The following LDLRAD4 variants were observed in gnomAD, a reference collection of about 807,000 sequenced individuals.
The protein encoded by LDLRAD4 is low-density lipoprotein receptor class A domain-containing protein 4.
Under a neutral mutation model 17.0 loss-of-function variants are expected in LDLRAD4, and 5 were observed. The observed-to-expected ratio is 0.29, with a 90% CI of 0.15 to 0.62. The LOEUF is 0.62. Among genes scored for constraint, LDLRAD4 ranks in the 20% least tolerant of loss-of-function variants. The pLI is 0.84. For missense variants in LDLRAD4, 340 were observed against 424.7 expected (o/e 0.80, Z 1.75); for synonymous variants, 168 against 171.8 (o/e 0.98, Z 0.17).
At chr18:13,542,553 C>T (rs1463700256) in intron 3 of LDLRAD4, 1 of 152,288 alleles carries the variant, frequency 6.6e-6, no homozygotes, top group Non-Finnish European at 1.5e-5. Context: ...CACTGTGTCG[C>T]CCTCTCTATG....
chr18:13,613,612 G>A (rs1194731959), intron 3 of LDLRAD4: 3 of 152,230 alleles, frequency 2.0e-5, no homozygotes, highest in Admixed American at 1.3e-4. Context: ...TTTCTGAAGA[G>A]ATCATGAAAC....
intron 1 of LDLRAD4, among the ~76,000 whole-genome samples, chr18:13,272,768 A>G (rs1037793413): frequency 1.3e-5 from 2 of 152,168 alleles, no homozygotes; most frequent in Non-Finnish European, 2.9e-5. Context: ...CCCAGCTGGG[A>G]CACTTCAGGG....
chr18:13,562,567 G>T (rs188931099), intron 3 of LDLRAD4, among the ~76,000 whole-genome samples: 1 of 152,112 alleles, frequency 6.6e-6, no homozygotes, highest in Admixed American at 6.6e-5. Context: ...CCACCCACGC[G>T]GTCCGTCAGA....
intron 3 of LDLRAD4, among the ~76,000 whole-genome samples, chr18:13,502,066 G>A (rs928923208): frequency 2.0e-5 from 3 of 152,202 alleles, no homozygotes; most frequent in African/African-American, 4.8e-5. Context: ...CTGCAAATTC[G>A]CGGAAGGCTT....
At chr18:13,545,199 A>G (rs2094343861) in intron 3 of LDLRAD4, among the ~76,000 whole-genome samples, 1 of 152,086 alleles carries the variant, frequency 6.6e-6, no homozygotes, top group African/African-American at 2.4e-5. Context: ...AGATGGCTCC[A>G]GGACTCTGAA....
chr18:13,468,720 A>T (rs562839208), intron 3 of LDLRAD4, among the ~76,000 whole-genome samples: 85 of 152,118 alleles, frequency 5.6e-4, no homozygotes, highest in Admixed American at 9.2e-4. Context: ...TGAAGCTGGA[A>T]ACCATCATTC....
intron 2 of LDLRAD4, among the ~76,000 whole-genome samples, chr18:13,395,680 G>A (rs12969176): frequency 1.1e-5 from 1 of 88,790 alleles, no homozygotes. Context: ...GTGGGGGCGG[G>A]AGTTGGCGTT....
At chr18:13,231,746 A>G (rs902460577) in intron 1 of LDLRAD4, among the ~76,000 whole-genome samples, 5 of 152,246 alleles carry the variant, frequency 3.3e-5, no homozygotes, top group Non-Finnish European at 5.9e-5. Flanking sequence ...CACAGACAAC[A>G]TCTAATTTCA....
chr18:13,605,715 CTGTT>C (rs1035456484), intron 3 of LDLRAD4, among the ~76,000 whole-genome samples: 19 of 152,214 alleles, frequency 1.2e-4, no homozygotes, highest in Admixed American at 1.2e-3. Context: ...CACACAAACT[CTGTT>C]TGTGTTGAGG....
intron 1 of LDLRAD4, among the ~76,000 whole-genome samples, chr18:13,221,704 T>C (rs1386628613): frequency 6.6e-6 from 1 of 152,248 alleles, no homozygotes; most frequent in Non-Finnish European, 1.5e-5. Context: ...GATGTCTGTA[T>C]TGTCACATAT....
chr18:13,577,491 G>C (rs919742479), intron 3 of LDLRAD4, among the ~76,000 whole-genome samples: 4 of 152,138 alleles, frequency 2.6e-5, no homozygotes, highest in Non-Finnish European at 4.4e-5. Flanking sequence ...TTATGACTCA[G>C]TCTATTGTAA....
chr18:13,559,568 A>G (rs1415805838), intron 3 of LDLRAD4, among the ~76,000 whole-genome samples: 1 of 152,228 alleles, frequency 6.6e-6, no homozygotes, highest in African/African-American at 2.4e-5. Flanking sequence ...GTACACATAT[A>G]TATGACAAAT....
chr18:13,559,134 T>C (rs1448300947), intron 3 of LDLRAD4, among the ~76,000 whole-genome samples: 1 of 152,240 alleles, frequency 6.6e-6, no homozygotes, highest in African/African-American at 2.4e-5. Context: ...TGTAAAGGTG[T>C]CACTGTCTCT....
At chr18:13,263,717 A>G (rs989042369) in intron 1 of LDLRAD4, among the ~76,000 whole-genome samples, 2 of 152,214 alleles carry the variant, frequency 1.3e-5, no homozygotes, top group African/African-American at 2.4e-5. Flanking sequence ...GATGGAAAGA[A>G]TAAGAATCAA....
At chr18:13,220,905 G>A (rs1000947397) in intron 1 of LDLRAD4, among the ~76,000 whole-genome samples, 9 of 152,192 alleles carry the variant, frequency 5.9e-5, no homozygotes, top group Non-Finnish European at 1.3e-4. Flanking sequence ...TCTGCATGTA[G>A]CCAGCATAAA....
At chr18:13,392,494 G>A (rs1487031899) in intron 2 of LDLRAD4, among the ~76,000 whole-genome samples, 1 of 152,224 alleles carries the variant, frequency 6.6e-6, no homozygotes, top group Non-Finnish European at 1.5e-5. Context: ...CAGTTCCTCT[G>A]AGCAGAGGGA....
chr18:13,403,620 C>G (rs1361727656), intron 2 of LDLRAD4, among the ~76,000 whole-genome samples: 1 of 152,174 alleles, frequency 6.6e-6, no homozygotes, highest in South Asian at 2.1e-4. Flanking sequence ...CTGAGACCCC[C>G]TTCTGATGGT....
At chr18:13,394,159 G>A (rs545559608) in intron 2 of LDLRAD4, among the ~76,000 whole-genome samples, 68 of 152,242 alleles carry the variant, frequency 4.5e-4, no homozygotes, top group African/African-American at 1.6e-3. Flanking sequence ...TGTTAGCCTC[G>A]AATCTAGTCC....
At chr18:13,321,110 GC>G (rs2081192080) in intron 1 of LDLRAD4, among the ~76,000 whole-genome samples, 1 of 152,140 alleles carries the variant, frequency 6.6e-6, no homozygotes, top group African/African-American at 2.4e-5. Context: ...GTTAACTTCG[GC>G]CCGAGCATGC....
Sources: allele counts gnomAD v4.1 joint callset (sites outside exome capture counted in the v4.1 genomes callset), GRCh38; gene constraint gnomAD v4.1.1; transcripts MANE v1.5; gene names NCBI Gene and HGNC (gene_info 2026-07-23, HGNC 2026-07-21).